The following NAV3 variants were observed in gnomAD, a reference collection of about 807,000 sequenced individuals.
NAV3 encodes the protein neuron navigator 3, also known as pore membrane and/or filament interacting like protein 1.
A neutral mutation model predicts 244.7 loss-of-function variants in NAV3; 87 were observed. The observed-to-expected ratio is 0.36, with a 90% confidence interval of 0.30 to 0.42. The LOEUF is 0.42. Ranked by LOEUF, NAV3 falls within the 20% of genes least tolerant of loss-of-function variation. The probability of loss-of-function intolerance (pLI) is 1.00; values close to 1 mark genes in which losing one functional copy is unlikely to be tolerated. For missense variants in NAV3, 2,663 were observed against 2,893.3 expected (o/e 0.92, Z 1.83); for synonymous variants, 1,126 against 1,042.2 (o/e 1.08, Z -1.55).
rs1384684614 is a variant in NAV3 at position 78,197,315 on chromosome 12, A to C, written c.6360A>C (p.Pro2120=). 1 of 1,608,792 alleles carries C rather than the reference A, an allele frequency of 6.2e-7. No individual in the cohort carries two copies. The highest frequency in any genetic ancestry group is 8.5e-7 in the Non-Finnish European group (1 of 1,176,842). ...CTGATAATAATGGAGTGGAGCTCCC[A>C]GTTGTAATAATTCTTGATAATCTTC... The part of the protein sequence containing the change: ...CSADNNGVEL[P]VVIILDNLHH... Residue 2120 remains proline (P), a synonymous_variant, in exon 35 of 40, where the codon CCA becomes CCC. Transcript: ENST00000397909.
intron 1 of NAV3, among the ~76,000 whole-genome samples, chr12:77,928,222 C>A (rs76038673): frequency 4.6e-3 from 372 of 80,470 alleles, no homozygotes; most frequent in South Asian, 5.6e-3. Context: ...GGCTCCGCCT[C>A]AAAAAAAAAA....
intron 2 of NAV3, among the ~76,000 whole-genome samples, chr12:77,629,984 C>G (rs1871813871): frequency 6.6e-6 from 1 of 152,136 alleles, no homozygotes; most frequent in Non-Finnish European, 1.5e-5. Flanking sequence ...TCAGAGGAGT[C>G]TGTGTTGGGG....
chr12:77,816,728 T>C (rs17044272), intron 2 of NAV3, among the ~76,000 whole-genome samples: 3,151 of 152,256 alleles, frequency 0.021, 110 homozygotes, highest in African/African-American at 0.073. Context: ...GTCACTCCTT[T>C]ACCTCTGCTT....
At chr12:77,581,061 G>A (rs1387994658) in intron 2 of NAV3, among the ~76,000 whole-genome samples, 1 of 152,148 alleles carries the variant, frequency 6.6e-6, no homozygotes, top group East Asian at 1.9e-4. Context: ...AGTTAAGGGA[G>A]GCTGGCCCAG....
intron 2 of NAV3, among the ~76,000 whole-genome samples, chr12:77,585,889 G>A (rs1387686044): frequency 6.6e-6 from 1 of 152,170 alleles, no homozygotes; most frequent in Admixed American, 6.5e-5. Flanking sequence ...CTAGCTGGGC[G>A]CGGTGGCACA....
intron 7 of NAV3, among the ~76,000 whole-genome samples, chr12:77,999,416 C>T (rs149235613): frequency 9.2e-5 from 14 of 152,252 alleles, no homozygotes; most frequent in African/African-American, 2.6e-4. Flanking sequence ...ATAATTCAAC[C>T]ATGTGGGAAC....
At chr12:77,733,834 ATTTTTTTTTTTTT>A (rs56770236) in intron 2 of NAV3, among the ~76,000 whole-genome samples, 1 of 124,216 alleles carries the variant, frequency 8.1e-6, no homozygotes, top group Non-Finnish European at 1.7e-5. Context: ...CTTGGTTTAG[ATTTTTTTTTTTTT>A]TTTTTTTTTT....
At chr12:77,812,479 C>A (rs1364846235) in intron 2 of NAV3, among the ~76,000 whole-genome samples, 5 of 150,972 alleles carry the variant, frequency 3.3e-5, no homozygotes, top group Admixed American at 2.6e-4. Context: ...GTGGCACTAT[C>A]TCGGGGCTCA....
intron 5 of NAV3, among the ~76,000 whole-genome samples, chr12:77,993,236 C>T (rs138262753): frequency 2.3e-3 from 349 of 152,258 alleles, no homozygotes; most frequent in African/African-American, 8.1e-3. Context: ...TCATTGTCAT[C>T]TATTTTGCTA....
Position 77,809,887 on chromosome 12 carries a change from T to C in NAV3, c.73-130432T>C, listed in dbSNP as rs538864512. On this transcript the variant is annotated intron_variant, in intron 2 of 8. Transcript: ENST00000550042. ...TAGTGTTTGTCAGATACATACTTGG[T>C]TAATATATCAAATCTACCTTTGGTT... Among the ~76,000 whole-genome samples, 5 of 152,324 alleles carry C rather than the reference T, an allele frequency of 3.3e-5. No homozygotes were observed. The East Asian group carries it at 7.7e-4, about 24-fold the overall frequency.
Position 78,122,024 on chromosome 12 carries a change from T to C in NAV3, c.3834T>C (p.Pro1278=), listed in dbSNP as rs1346120098. 1.9e-6 allele frequency: 3 copies of C among 1,614,178 alleles called. No homozygotes were observed. In the Admixed American group the frequency reaches 5.0e-5, roughly 27 times the overall value. The stretch of plus-strand genomic sequence containing the variant: ...AATCTTCCTCAGTAATGCCCAGCCC[T>C]AGTACCACATTAGCGCGGCAAGGCA... ...GVKSSSVMPS[P]STTLARQGSL... is the part of the protein sequence containing the mutation. Residue 1278 remains proline (P), a synonymous_variant, in exon 16 of 40, where the codon CCT becomes CCC. Coordinates refer to ENST00000397909, the MANE Select transcript of NAV3 (RefSeq NM_001024383.2).
intron 1 of NAV3, 78 bp downstream of exon 1, chr12:77,831,782 T>A (rs1187256405): frequency 3.1e-5 from 46 of 1,462,208 alleles, no homozygotes; most frequent in Non-Finnish European, 4.2e-5. Context: ...AAACATGTTA[T>A]GAAATGGGGA....
rs563356461 is a variant in NAV3, at chr12:78,092,479, G to A, written c.2637-24293G>A. Among the ~76,000 whole-genome samples the A allele has an allele frequency of 1.0e-4, 14 of 134,714 alleles. No homozygotes were observed. The South Asian group carries it at 2.9e-3, about 27-fold the overall frequency. The allele number at this position is 134,714 out of a possible 152,430, so 88.4% of individuals were successfully genotyped here. Reference sequence around the variant, plus strand: ...GAAACTCATTTCACCCTTTGAAAGCGTTAGTTATTTTCTTTTTTTTTTTTT... The same window carrying A: ...GAAACTCATTTCACCCTTTGAAAGCATTAGTTATTTTCTTTTTTTTTTTTT... On this transcript the variant is annotated intron_variant, in intron 12 of 39. Coordinates refer to ENST00000397909, the MANE Select transcript of NAV3 (RefSeq NM_001024383.2).
At chr12:77,901,473 G>A (rs1885282327) in intron 1 of NAV3, among the ~76,000 whole-genome samples, 1 of 152,140 alleles carries the variant, frequency 6.6e-6, no homozygotes, top group Non-Finnish European at 1.5e-5. Flanking sequence ...ACTTTGAGAG[G>A]CTGAGGCGGG....
At chr12:77,871,225 C>G (rs193300650) in intron 1 of NAV3, among the ~76,000 whole-genome samples, 1 of 152,184 alleles carries the variant, frequency 6.6e-6, no homozygotes, top group Non-Finnish European at 1.5e-5. Context: ...AATAACTTCT[C>G]TAAGTCAGCA....
At chr12:78,050,690 TTCTG>T (rs1882612726) in intron 10 of NAV3, 70 bp from the exon 11 acceptor site, 1 of 1,476,764 alleles carries the variant, frequency 6.8e-7, no homozygotes, top group East Asian at 2.3e-5. Flanking sequence ...CTCCAGCCTT[TTCTG>T]TCTTCATGCA....
chr12:77,788,172 C>A (rs1870994773), intron 2 of NAV3, among the ~76,000 whole-genome samples: 1 of 152,062 alleles, frequency 6.6e-6, no homozygotes, highest in Non-Finnish European at 1.5e-5. Context: ...TATCAATAGA[C>A]CCAAATAACA....
intron 1 of NAV3, among the ~76,000 whole-genome samples, chr12:77,837,620 G>A (rs1231907409): frequency 2.6e-5 from 4 of 152,150 alleles, no homozygotes; most frequent in African/African-American, 9.7e-5. Flanking sequence ...TTCAGACTAA[G>A]GCTGTATGGT....
At chr12:77,940,459 A>C (rs917583237) in intron 2 of NAV3, 23 bp downstream of exon 2, 6 of 1,571,506 alleles carry the variant, frequency 3.8e-6, no homozygotes, top group Non-Finnish European at 5.2e-6. Context: ...TTCTGAAAGA[A>C]AGCATGAAAG....
Sources: gnomAD v4.1 joint callset for allele counts (sites outside exome capture counted in the v4.1 genomes callset) on GRCh38, gnomAD v4.1.1 for gene constraint, MANE v1.5 for transcripts, NCBI Gene and HGNC (gene_info 2026-07-23, HGNC 2026-07-21) for gene names.